SP2: variants seen among roughly 807,000 people sequenced by gnomAD.
The protein encoded by SP2 is Sp2 transcription factor, also known as transcription factor Sp2.
SP2 carries 9 observed loss-of-function variants against 50.1 expected under a neutral mutation model. The observed-to-expected ratio is 0.18, with a 90% CI of 0.11 to 0.31. The LOEUF is 0.31. Among genes scored for constraint, SP2 ranks in the 10% least tolerant of loss-of-function variants. The pLI is 1.00. For synonymous variants in SP2, 313 were observed against 326.6 expected (o/e 0.96, Z 0.45); for missense variants, 581 against 806.5 (o/e 0.72, Z 3.39).
intron 5 of SP2, 44 bp downstream of exon 5, chr17:47,925,137 C>A: frequency 1.3e-6 from 2 of 1,555,734 alleles, no homozygotes; most frequent in South Asian, 2.4e-5. Flanking sequence ...GGCCTGTGTT[C>A]CCCAAGCCCC....
intron 3 of SP2, among the ~76,000 whole-genome samples, chr17:47,919,831 T>TTTTTTC (rs2035367496): frequency 7.2e-6 from 1 of 138,280 alleles, no homozygotes; most frequent in African/African-American, 2.7e-5. Context: ...ATTCCTTTTT[T>TTTTTTC]TTTTTTTTTT....
At chr17:47,909,801 T>C in intron 1 of SP2, 1 of 413,606 alleles carries the variant, frequency 2.4e-6, no homozygotes, top group Non-Finnish European at 3.3e-6. Flanking sequence ...CTAATACTAA[T>C]ACCCATTGTG....
At chr17:47,915,186 C>T in intron 1 of SP2, 126 bp from the exon 2 acceptor site, 1 of 666,916 alleles carries the variant, frequency 1.5e-6, no homozygotes, top group Non-Finnish European at 2.6e-6. Flanking sequence ...ACACTCCAGC[C>T]TGGGCAACAA....
Position 47,922,810 on chromosome 17 carries a change from G to C in SP2, c.1060-152G>C, listed in dbSNP as rs965611376. The C allele has an allele frequency of 8.8e-5, 58 of 657,094 alleles. No individual in the cohort carries two copies. In the East Asian group the frequency reaches 1.5e-3, roughly 17 times the overall value. 40.7% of individuals were successfully genotyped at this position (657,094 alleles called of 1,614,324 possible). A position where few individuals can be genotyped will look rare whatever the true frequency, so the allele number is the denominator to read the frequency against. ...TATAGGATGCCAGCAGCCATTTGTC[G>C]AGCATTAGCTGTGTATAAATGTAGG... is the stretch of plus-strand genomic sequence containing the variant. On this transcript the variant is annotated intron_variant, in intron 3 of 6. Transcript: ENST00000376741.
intron 1 of SP2, among the ~76,000 whole-genome samples, chr17:47,914,336 A>C (rs1598137831): frequency 6.6e-6 from 1 of 150,876 alleles, no homozygotes; most frequent in Non-Finnish European, 1.5e-5. Flanking sequence ...GTGCCATTGC[A>C]CTCCAGCCTG....
intron 3 of SP2, among the ~76,000 whole-genome samples, chr17:47,919,025 G>A (rs534053044): frequency 6.6e-6 from 1 of 151,528 alleles, no homozygotes; most frequent in Non-Finnish European, 1.5e-5. Context: ...ATGCATGCAC[G>A]CATACACACA....
rs1567702025 is a variant in SP2 at position 47,923,044 on chromosome 17, A to C, written c.1142A>C (p.Asn381Thr). The C allele has an allele frequency of 6.2e-7, 1 of 1,614,144 alleles. No individual in the cohort carries two copies. Among genetic ancestry groups the C allele is most frequent in the Admixed American group, 1.7e-5 (1 of 60,016 alleles). ...SPPATAAATS[N>T]TTCSSPASRA... ...CCAGCAACAGCTGCAGCCACCTCTA[A>C]CACCACCTGTAGCAGCCCTGCATCC... Residue 381 changes from asparagine (N) to threonine (T), a missense_variant, in exon 4 of 7, where the codon AAC becomes ACC. By Grantham distance (65) the Asn-to-Thr change is moderately conservative. Coordinates refer to ENST00000376741, the MANE Select transcript of SP2 (RefSeq NM_003110.6).
In SP2 at chr17:47,925,408, C is replaced by T; in HGVS notation, c.1608C>T (p.Phe536=). 6.2e-7 allele frequency: 1 copy of T among 1,614,232 alleles called. No individual in the cohort carries two copies. The highest frequency in any genetic ancestry group is 8.5e-7 in the Non-Finnish European group (1 of 1,180,046). ...VCHIPDCGKT[F]RKTSLLRAHV... ...ACATCCCCGACTGTGGCAAGACGTT[C>T]CGTAAGACGTCCTTGCTGCGTGCCC... The change falls in exon 6 of 7, where the codon TTC becomes TTT. Residue 536 remains phenylalanine, a synonymous_variant. Transcript: ENST00000376741.
At chr17:47,926,555 TC>T (rs2035658764) in intron 6 of SP2, among the ~76,000 whole-genome samples, 1 of 151,940 alleles carries the variant, frequency 6.6e-6, no homozygotes, top group African/African-American at 2.4e-5. Flanking sequence ...CAGATGATCC[TC>T]CCTCTTCTGC....
chr17:47,918,587 T>TAC (rs1475335987), intron 3 of SP2: 1 of 152,164 alleles, frequency 6.6e-6, no homozygotes, highest in Non-Finnish European at 1.5e-5. Context: ...GAAATAATGA[T>TAC]ACATATGCAG....
At chr17:47,930,545 C>T (rs1385928394), downstream of SP2, among the ~76,000 whole-genome samples, 2 of 152,124 alleles carry the variant, frequency 1.3e-5, no homozygotes, top group Non-Finnish European at 1.5e-5. Context: ...TGGCTAAGAG[C>T]GAGAGAATGT....
chr17:47,925,230 C>T (rs998651486), intron 5 of SP2, 118 bp from the exon 6 acceptor site: 39 of 1,404,994 alleles, frequency 2.8e-5, no homozygotes, highest in South Asian at 2.8e-4. Flanking sequence ...TGCCCCCTGC[C>T]TCCTTGTGCT....
chr17:47,923,744 T>C (rs2035548053), intron 4 of SP2, among the ~76,000 whole-genome samples: 1 of 152,214 alleles, frequency 6.6e-6, no homozygotes, highest in African/African-American at 2.4e-5. Flanking sequence ...CTCTTCATCC[T>C]TAATGAATTT....
chr17:47,926,464 C>T (rs1598174779), intron 6 of SP2, among the ~76,000 whole-genome samples: 1 of 152,002 alleles, frequency 6.6e-6, no homozygotes, highest in East Asian at 1.9e-4. Flanking sequence ...AGGCATGCAC[C>T]ACCACACCTG....
chr17:47,915,504 G>A, intron 2 of SP2, 116 bp downstream of exon 2: 1 of 598,336 alleles, frequency 1.7e-6, no homozygotes, highest in Non-Finnish European at 2.8e-6. Context: ...GACTGGGGAA[G>A]GTTCAGTTAG....
At chr17:47,904,533 G>C (rs559656685) in intron 1 of SP2, among the ~76,000 whole-genome samples, 7 of 152,200 alleles carry the variant, frequency 4.6e-5, no homozygotes, top group African/African-American at 1.4e-4. Context: ...ATACCTAAGG[G>C]TCATTGCCTG....
At chr17:47,907,617 C>T (rs917133819) in intron 1 of SP2, among the ~76,000 whole-genome samples, 1 of 152,068 alleles carries the variant, frequency 6.6e-6, no homozygotes, top group African/African-American at 2.4e-5. Flanking sequence ...TGCACTAATC[C>T]CACTTACCTA....
At chr17:47,908,369 A>G (rs1426140191) in intron 1 of SP2, among the ~76,000 whole-genome samples, 2 of 152,130 alleles carry the variant, frequency 1.3e-5, no homozygotes, top group Non-Finnish European at 2.9e-5. Context: ...TGTCTAAGAG[A>G]GTCATTCACT....
rs2035713063 is a variant in SP2, at chr17:47,927,875, C to A, written c.*51C>A. 1 of 1,119,584 alleles carries A rather than the reference C, an allele frequency of 8.9e-7. No homozygotes were observed. The highest frequency in any genetic ancestry group is 1.5e-5 in the African/African-American group (1 of 64,916). 69.4% of individuals were successfully genotyped at this position (1,119,584 alleles called of 1,614,324 possible). ...AGATGCAGTCCCCCACCTGTGTCCT[C>A]CCTGGGCCCCTGGTGGAAAGGAGCC... On this transcript the variant is annotated 3_prime_UTR_variant, in exon 7 of 7. Transcript: ENST00000376741.
Sources: gnomAD v4.1 joint callset for allele counts (sites outside exome capture counted in the v4.1 genomes callset) on GRCh38, gnomAD v4.1.1 for gene constraint, MANE v1.5 for transcripts, NCBI Gene and HGNC (gene_info 2026-07-23, HGNC 2026-07-21) for gene names.